NOD2: variants seen among roughly 807,000 people sequenced by gnomAD.
NOD2 encodes nucleotide binding oligomerization domain containing 2, also known as nucleotide-binding oligomerization domain-containing protein 2.
Under a neutral mutation model 90.9 loss-of-function variants are expected in NOD2, and 86 were observed. The observed-to-expected ratio is 0.95, with a 90% CI of 0.79 to 1.13. The LOEUF (loss-of-function observed/expected upper bound fraction) is 1.13, where lower values mean the gene tolerates loss of function less well. NOD2 is among the 50% of genes most tolerant of loss of function. NOD2 has a pLI of 0.00. For missense variants in NOD2, 1,238 were observed against 1,283.8 expected (o/e 0.96, Z 0.55); for synonymous variants, 581 against 554.6 (o/e 1.05, Z -0.67).
At chr16:50,725,451 T>C (rs1462276526) in intron 9 of NOD2, 38 bp from the exon 10 acceptor site, 1 of 1,500,872 alleles carries the variant, frequency 6.7e-7, no homozygotes, top group Admixed American at 1.7e-5. Context: ...CCATAATCAA[T>C]GTTGTATCAA....
rs1395205447 is a variant in NOD2 at position 50,729,877 on chromosome 16, G to A, written c.2945G>A (p.Arg982Lys). 6.2e-7 allele frequency: 1 copy of A among 1,612,984 alleles called. No individual in the cohort carries two copies. The highest frequency in any genetic ancestry group is 8.5e-7 in the Non-Finnish European group (1 of 1,179,190). ...GAEALLQALE[R>K]NDTILEVWLR... Reference sequence around the variant, plus strand: ...GAAGCCCTCCTGCAGGCCCTTGAAAGGAATGACACCATCCTGGAAGTCTGG... The same window carrying A: ...GAAGCCCTCCTGCAGGCCCTTGAAAAGAATGACACCATCCTGGAAGTCTGG... Residue 982 changes from arginine to lysine, a missense_variant, in exon 11 of 12, where the codon AGG becomes AAG. This residue lies in a region of NOD2 where 667 missense variants were observed against 688.7 expected (regional missense o/e 0.97). Coordinates refer to ENST00000647318, the MANE Select transcript of NOD2 (RefSeq NM_001370466.1).
Position 50,711,788 on chromosome 16 carries a change from T to C in NOD2, c.1796T>C (p.Leu599Pro). The C allele has an allele frequency of 1.9e-6, 3 of 1,614,240 alleles. No individual in the cohort carries two copies. Among genetic ancestry groups the C allele is most frequent in the Non-Finnish European group, 2.5e-6 (3 of 1,180,040 alleles). The change falls in exon 4 of 12, where the codon CTC becomes CCC. Residue 599 changes from leucine to proline, a missense_variant. Physicochemically the swap from Leu to Pro is moderately conservative, Grantham distance 98 (BLOSUM62 -3). This residue lies in a region of NOD2 where 667 missense variants were observed against 688.7 expected (regional missense o/e 0.97). Transcript: ENST00000647318. ...ALSADVPPAL[L>P]RHLFNCGRPG... ...AGTGCTGATGTGCCACCAGCTTTGC[T>C]CAGACACCTCTTCAATTGTGGCAGG...
intron 3 of NOD2, chr16:50,709,883 A>G: frequency 2.2e-6 from 1 of 450,552 alleles, no homozygotes; most frequent in Non-Finnish European, 4.5e-6. Flanking sequence ...TTTAAACTGT[A>G]TTTTATCTCG....
At chr16:50,707,145 T>C (rs1964233147) in intron 2 of NOD2, among the ~76,000 whole-genome samples, 2 of 152,244 alleles carry the variant, frequency 1.3e-5, no homozygotes, top group Non-Finnish European at 2.9e-5. Context: ...AAATTCCACA[T>C]GCGGCTTGCA....
intron 7 of NOD2, 37 bp downstream of exon 7, chr16:50,720,045 G>A (rs755339857): frequency 6.3e-7 from 1 of 1,582,744 alleles, no homozygotes; most frequent in Non-Finnish European, 8.7e-7. Flanking sequence ...CTGCATGGAG[G>A]GGCTTGGGAC....
intron 10 of NOD2, among the ~76,000 whole-genome samples, chr16:50,727,177 A>T (rs141370282): frequency 0.02 from 2,968 of 151,700 alleles, 85 homozygotes; most frequent in South Asian, 0.13. Context: ...ATAATAATTT[A>T]AAAAAAAGAG....
intron 1 of NOD2, chr16:50,697,341 T>A: frequency 6.5e-7 from 1 of 1,547,762 alleles, no homozygotes; most frequent in Non-Finnish European, 8.7e-7. Flanking sequence ...CATTGTCCCG[T>A]CCCAGCTTGA....
Position 50,711,439 on chromosome 16 carries a change from A to G in NOD2, c.1447A>G (p.Thr483Ala). 2.5e-6 allele frequency: 4 copies of G among 1,613,518 alleles called. No individual in the cohort carries two copies. Among genetic ancestry groups the G allele is most frequent in the Non-Finnish European group, 3.4e-6 (4 of 1,180,018 alleles). The change falls in exon 4 of 12, where the codon ACT becomes GCT. Residue 483 changes from threonine (T) to alanine (A), a missense_variant. Physicochemically the swap from Thr to Ala is moderately conservative, Grantham distance 58 (BLOSUM62 0). Coordinates refer to ENST00000647318, the MANE Select transcript of NOD2 (RefSeq NM_001370466.1). Reference sequence around the variant, plus strand: ...GCAGGAGGGGGGGTCCCCAAAGACCACTACAGATATGTACCTGCTGATTCT... The same window carrying G: ...GCAGGAGGGGGGGTCCCCAAAGACCGCTACAGATATGTACCTGCTGATTCT... ...LLQEGGSPKTTTDMYLLILQH... is the reference protein window; with the variant it reads ...LLQEGGSPKTATDMYLLILQH...
At chr16:50,725,342 A>G in intron 9 of NOD2, 147 bp from the exon 10 acceptor site, 2 of 666,200 alleles carry the variant, frequency 3.0e-6, no homozygotes, top group East Asian at 2.8e-5. Flanking sequence ...TGGAATTGAG[A>G]ATCCCCACAA....
chr16:50,700,039 C>T, intron 2 of NOD2, 85 bp downstream of exon 2: 7 of 1,329,652 alleles, frequency 5.3e-6, no homozygotes, highest in Non-Finnish European at 7.4e-6. Flanking sequence ...TGAAGTCAGC[C>T]TGTGGGGTAA....
chr16:50,714,648 GA>G (rs1964701168), intron 4 of NOD2, among the ~76,000 whole-genome samples: 1 of 149,900 alleles, frequency 6.7e-6, no homozygotes, highest in African/African-American at 2.5e-5. Flanking sequence ...GTGTGTATGA[GA>G]GAGAGAGAGA....
At position 50,706,142 on chromosome 16, in the gene NOD2, G is replaced by C. The variant is rs1021197440; in HGVS notation, c.460-1713G>C. Among the ~76,000 whole-genome samples the C allele has an allele frequency of 4.6e-5, 7 of 152,214 alleles. No individual in the cohort carries two copies. The South Asian group carries it at 8.3e-4, about 18-fold the overall frequency. On this transcript the variant is annotated intron_variant, in intron 2 of 11. Coordinates refer to ENST00000647318, the MANE Select transcript of NOD2 (RefSeq NM_001370466.1). ...TGGATGGCTAGGGGAAGGCTTCCAA[G>C]CTGAGAGGACAGCCAGAGCCAAGGC...
At chr16:50,729,599 A>T (rs141612356) in intron 10 of NOD2, among the ~76,000 whole-genome samples, 3 of 152,212 alleles carry the variant, frequency 2.0e-5, no homozygotes, top group Non-Finnish European at 4.4e-5. Context: ...ACTTAATTTG[A>T]TAAACTCATC....
intron 6 of NOD2, among the ~76,000 whole-genome samples, chr16:50,718,171 T>C (rs1288134881): frequency 6.6e-6 from 1 of 152,170 alleles, no homozygotes; most frequent in Non-Finnish European, 1.5e-5. Context: ...AAAATGCCTG[T>C]GTGATGGGAG....
chr16:50,712,371 G>A lies in NOD2; in HGVS notation c.2379G>A (p.Leu793=). The change falls in exon 4 of 12, where the codon CTG becomes CTA. Residue 793 remains leucine, a splice_region_variant and synonymous_variant. Coordinates refer to ENST00000647318, the MANE Select transcript of NOD2 (RefSeq NM_001370466.1). ...CTTGCCTTGGTGTCTGCAAGGCTCT[G>A]TAGTGAGTGTTACTGGGCATTGCTG... ...LLPCLGVCKA[L]YLRDNNISDR... The A allele has an allele frequency of 1.2e-6, 2 of 1,613,682 alleles. No individual in the cohort carries two copies. The highest frequency in any genetic ancestry group is 1.7e-6 in the Non-Finnish European group (2 of 1,180,036).
intron 6 of NOD2, among the ~76,000 whole-genome samples, chr16:50,718,542 G>A (rs902328872): frequency 4.6e-5 from 7 of 152,230 alleles, no homozygotes; most frequent in South Asian, 2.1e-4. Flanking sequence ...GCGAAGCTGC[G>A]GATAAGCAGG....
Position 50,712,058 on chromosome 16 carries a change from G to T in NOD2, c.2066G>T (p.Arg689Leu). 1 of 1,613,270 alleles carries T rather than the reference G, an allele frequency of 6.2e-7. No homozygotes were observed. Among genetic ancestry groups the T allele is most frequent in the Non-Finnish European group, 8.5e-7 (1 of 1,179,856 alleles). ...CGCTGGTGTCTGGCCCGCAGCCTCC[G>T]CAAGCACTTCCACTCCATCCCGCCA... is the stretch of plus-strand genomic sequence containing the variant. Reference protein sequence around the residue: ...CARWCLARSLRKHFHSIPPAA... With the variant: ...CARWCLARSLLKHFHSIPPAA... Residue 689 changes from arginine to leucine, a missense_variant, in exon 4 of 12, where the codon CGC (arginine) becomes CTC (leucine). Around this residue, in one of 3 missense-constraint regions of NOD2, gnomAD observed 667 missense variants for 688.7 expected, o/e 0.97. Coordinates refer to ENST00000647318, the MANE Select transcript of NOD2 (RefSeq NM_001370466.1).
At position 50,716,899 on chromosome 16, in the gene NOD2, A is replaced by G. The variant is rs104895467; in HGVS notation, c.2474A>G (p.Asn825Ser). 1,146 of 1,614,080 alleles carry G rather than the reference A, an allele frequency of 7.1e-4. 4 individuals are homozygous for G. The highest frequency in any genetic ancestry group is 4.0e-3 in the Middle Eastern group (24 of 6,062). Residue 825 changes from asparagine (N) to serine (S), a missense_variant, in exon 6 of 12, where the codon AAC (asparagine) becomes AGC (serine). Coordinates refer to ENST00000647318, the MANE Select transcript of NOD2 (RefSeq NM_001370466.1). ...CTTCTGGAACTGAACAGTCTATTCA[A>G]CAACAAATTGACTGACGGCTGTGCA... ...CEQLQKLALFNNKLTDGCAHS... is the reference protein window; with the variant it reads ...CEQLQKLALFSNKLTDGCAHS...
Position 50,732,185 on chromosome 16 carries a change from G to A in NOD2, c.*366G>A, listed in dbSNP as rs549869777. Reference sequence around the variant, plus strand: ...CTTGTTAACTGAGTGCCTTTTGGTGGAGAGGCCCGGCCTCTCACAAAAGAC... The same window carrying A: ...CTTGTTAACTGAGTGCCTTTTGGTGAAGAGGCCCGGCCTCTCACAAAAGAC... On this transcript the variant is annotated 3_prime_UTR_variant, in exon 12 of 12. Coordinates refer to ENST00000647318, the MANE Select transcript of NOD2 (RefSeq NM_001370466.1). 2.6e-5 allele frequency: 10 copies of A among 380,386 alleles called. No individual in the cohort carries two copies. Among genetic ancestry groups the A allele is most frequent in the South Asian group, 2.3e-4 (10 of 43,920 alleles). 23.6% of individuals were successfully genotyped at this position (380,386 alleles called of 1,614,324 possible). A position where few individuals can be genotyped will look rare whatever the true frequency, so the allele number is the denominator to read the frequency against.
Sources: allele counts gnomAD v4.1 joint callset (sites outside exome capture counted in the v4.1 genomes callset), GRCh38; gene constraint gnomAD v4.1.1; regional missense constraint gnomAD v4.1.1; transcripts MANE v1.5; gene names NCBI Gene and HGNC (gene_info 2026-07-23, HGNC 2026-07-21).